OCM: variants seen among roughly 807,000 people sequenced by gnomAD.
OCM encodes the protein oncomodulin-1.
A neutral mutation model predicts 14.1 loss-of-function variants in OCM; 18 were observed. That is an observed-to-expected ratio of 1.28 (90% CI 0.88 to 1.89). The LOEUF (loss-of-function observed/expected upper bound fraction) is 1.89. Ranked by LOEUF, OCM falls within the 40% of genes most tolerant of loss-of-function variation. The pLI is 0.00. For missense variants in OCM, 140 were observed against 137.6 expected (o/e 1.02, Z -0.09); for synonymous variants, 48 against 51.0 (o/e 0.94, Z 0.25).
At chr7:5,870,916 C>T in the OCM span, among the ~76,000 whole-genome samples, 1 of 150,544 alleles carries the variant, frequency 6.6e-6, no homozygotes, top group African/African-American at 2.4e-5. Flanking sequence ...GACTGAGTTT[C>T]GCTCTTGTTG....
chr7:5,860,171 C>G, the OCM span, among the ~76,000 whole-genome samples: 1 of 151,890 alleles, frequency 6.6e-6, no homozygotes, highest in African/African-American at 2.4e-5. Flanking sequence ...TGCAATTTCT[C>G]CTTAATTAAC....
intron 3 of OCM, among the ~76,000 whole-genome samples, chr7:5,884,410 G>A (rs1325472454): frequency 1.3e-5 from 2 of 152,178 alleles, no homozygotes; most frequent in African/African-American, 4.8e-5. Context: ...ATTGGCATGC[G>A]TAGGAAGCCC....
the OCM span, among the ~76,000 whole-genome samples, chr7:5,869,595 AAAAG>A: frequency 6.6e-6 from 1 of 152,074 alleles, no homozygotes; most frequent in Non-Finnish European, 1.5e-5. Flanking sequence ...TTCCATCTAA[AAAAG>A]AAAATTTAAA....
At chr7:5,866,200 C>T in the OCM span, among the ~76,000 whole-genome samples, 6 of 151,424 alleles carry the variant, frequency 4.0e-5, no homozygotes, top group Non-Finnish European at 8.8e-5. Context: ...TGGTGTGTGC[C>T]TGTAGTCCCA....
the OCM span, among the ~76,000 whole-genome samples, chr7:5,872,400 A>G: frequency 1.8e-4 from 28 of 152,130 alleles, no homozygotes; most frequent in Admixed American, 1.8e-3. Flanking sequence ...TTAACCAATT[A>G]TTGCTCAGTC....
chr7:5,860,768 T>TCA, the OCM span, among the ~76,000 whole-genome samples: 1 of 144,252 alleles, frequency 6.9e-6, no homozygotes, highest in African/African-American at 2.5e-5. Context: ...ATATATATAT[T>TCA]CGTATATATA....
the OCM span, among the ~76,000 whole-genome samples, chr7:5,869,917 C>T: frequency 2.0e-5 from 3 of 152,102 alleles, no homozygotes; most frequent in Non-Finnish European, 4.4e-5. Flanking sequence ...CCACGCGCCA[C>T]GTGTGTGAAT....
rs774355604 is a variant in OCM, at chr7:5,886,053, T to G, written c.305-11T>G. The G allele has an allele frequency of 6.2e-7, 1 of 1,614,136 alleles. No homozygotes were observed. ...CCTCCACTGACCCTGTTCTCACCTCTTCTGTTCTAGAATTCCAGGAAATGG... is the reference window on the plus strand; with the variant it reads ...CCTCCACTGACCCTGTTCTCACCTCGTCTGTTCTAGAATTCCAGGAAATGG... On this transcript the variant is annotated splice_polypyrimidine_tract_variant and intron_variant, in intron 3 of 3. Coordinates refer to ENST00000242104, the MANE Select transcript of OCM (RefSeq NM_001097622.2).
chr7:5,878,196 C>T (rs1431862600), upstream of OCM, among the ~76,000 whole-genome samples: 3 of 151,408 alleles, frequency 2.0e-5, no homozygotes, highest in Non-Finnish European at 4.4e-5. Flanking sequence ...AACTCCTGAC[C>T]TCTTGATTTG....
At chr7:5,873,779 C>G in the OCM span, among the ~76,000 whole-genome samples, 3,290 of 151,926 alleles carry the variant, frequency 0.022, 138 homozygotes, top group African/African-American at 0.076. Context: ...TGACGGTGGC[C>G]CATGAAGAGA....
the OCM span, among the ~76,000 whole-genome samples, chr7:5,870,352 T>C: frequency 3.3e-5 from 5 of 152,170 alleles, no homozygotes; most frequent in Non-Finnish European, 5.9e-5. Context: ...GCTCAAGCCA[T>C]CCTCCCTGCC....
chr7:5,866,858 G>A, the OCM span, among the ~76,000 whole-genome samples: 4,999 of 152,152 alleles, frequency 0.033, 121 homozygotes, highest in Non-Finnish European at 0.048. Flanking sequence ...CATGTAACCC[G>A]CTCCCACAAT....
intron 3 of OCM, among the ~76,000 whole-genome samples, chr7:5,885,591 T>A (rs2108071): frequency 0.26 from 34,409 of 134,402 alleles, 4,393 homozygotes; most frequent in Middle Eastern, 0.42. Flanking sequence ...ATACCCAGGG[T>A]TTTTTTTTCT....
At chr7:5,876,255 C>T (rs1225776256), upstream of OCM, among the ~76,000 whole-genome samples, 2 of 152,158 alleles carry the variant, frequency 1.3e-5, no homozygotes, top group African/African-American at 4.8e-5. Flanking sequence ...CCACGTGCCT[C>T]GGCCTCCCAA....
chr7:5,876,334 A>G (rs1410530660), upstream of OCM, among the ~76,000 whole-genome samples: 1 of 151,800 alleles, frequency 6.6e-6, no homozygotes, highest in East Asian at 1.9e-4. Context: ...ATTTTTTTGT[A>G]GAGACAGGGC....
chr7:5,868,731 A>G, the OCM span, among the ~76,000 whole-genome samples: 1 of 152,132 alleles, frequency 6.6e-6, no homozygotes, highest in Non-Finnish European at 1.5e-5. Flanking sequence ...CACCCATAAC[A>G]GCTCTGGGCT....
At chr7:5,878,390 A>G (rs907556142), upstream of OCM, among the ~76,000 whole-genome samples, 12 of 152,028 alleles carry the variant, frequency 7.9e-5, no homozygotes, top group Non-Finnish European at 1.5e-4. Flanking sequence ...AATAAATTAT[A>G]GAGATCTCTC....
chr7:5,876,938 C>T (rs1400981070), upstream of OCM, among the ~76,000 whole-genome samples: 3 of 151,844 alleles, frequency 2.0e-5, no homozygotes, highest in South Asian at 2.1e-4. Flanking sequence ...CTCAAGTAGC[C>T]GAGATTACAG....
rs1286608848 is a variant in OCM, at chr7:5,886,249, A to G, written c.*160A>G. On this transcript the variant is annotated 3_prime_UTR_variant, in exon 4 of 4. Transcript: ENST00000242104. ...CATTGTTTTAGTGAGGTCACGAGGG[A>G]GTCACTCCTGACTTTCTTGGTGGTG... The G allele has an allele frequency of 1.3e-5, 14 of 1,041,872 alleles. No individual in the cohort carries two copies. The highest frequency in any genetic ancestry group is 2.0e-5 in the Non-Finnish European group (14 of 709,066). The allele number at this position is 1,041,872 out of a possible 1,614,324, so 64.5% of individuals were successfully genotyped here.
Sources: gnomAD v4.1 joint callset for allele counts (sites outside exome capture counted in the v4.1 genomes callset) on GRCh38, gnomAD v4.1.1 for gene constraint, MANE v1.5 for transcripts, NCBI Gene and HGNC (gene_info 2026-07-23, HGNC 2026-07-21) for gene names.